The following DIAPH3 variants were observed in gnomAD, a reference collection of about 807,000 sequenced individuals.
The protein encoded by DIAPH3 is diaphanous related formin 3.
Under a neutral mutation model 144.3 loss-of-function variants are expected in DIAPH3, and 117 were observed. The ratio of observed to expected loss-of-function variants is 0.81; its 90% CI spans 0.70 to 0.95. DIAPH3 has a LOEUF of 0.95. DIAPH3 is among the 40% of genes least tolerant of loss of function. The probability of loss-of-function intolerance (pLI) is 0.00; values close to 1 mark genes in which losing one functional copy is unlikely to be tolerated. For missense variants in DIAPH3, 1,421 were observed against 1,412.7 expected, an observed-to-expected ratio of 1.01 and a Z score of -0.09; for synonymous variants, 519 against 488.9, an observed-to-expected ratio of 1.06 and a Z score of -0.81.
Position 59,884,200 on chromosome 13 carries a change from C to T in DIAPH3, c.2368-4732G>A, listed in dbSNP as rs1325252131. ...ACGCAAAAGATCTAGGTTGCATGCT[C>T]CTTATGAGAATCTAATGCCTGGATG... On this transcript the variant is annotated intron_variant, in intron 20 of 27. Coordinates refer to ENST00000400324, the MANE Select transcript of DIAPH3 (RefSeq NM_001042517.2). Among the ~76,000 whole-genome samples the T allele has an allele frequency of 2.0e-5, 3 of 152,072 alleles. No homozygotes were observed. The East Asian group carries it at 5.8e-4, about 29-fold the overall frequency.
At chr13:59,874,360 T>C (rs1309317933) in intron 21 of DIAPH3, among the ~76,000 whole-genome samples, 4 of 152,216 alleles carry the variant, frequency 2.6e-5, no homozygotes, top group African/African-American at 9.6e-5. Context: ...AATATGAGAA[T>C]TTAATGTTTG....
chr13:59,685,308 A>G (rs1244179949), intron 27 of DIAPH3, among the ~76,000 whole-genome samples: 1 of 152,176 alleles, frequency 6.6e-6, no homozygotes, highest in Non-Finnish European at 1.5e-5. Flanking sequence ...AGTAGTAATG[A>G]ATACATTATG....
At chr13:60,092,523 C>T (rs775762445) in intron 4 of DIAPH3, among the ~76,000 whole-genome samples, 1 of 152,076 alleles carries the variant, frequency 6.6e-6, no homozygotes, top group Non-Finnish European at 1.5e-5. Context: ...TGGTGGCAGG[C>T]GCCTGTAGTC....
At chr13:60,084,051 TAGATAGATAGAA>T (rs1325081033) in intron 4 of DIAPH3, among the ~76,000 whole-genome samples, 86 of 150,632 alleles carry the variant, frequency 5.7e-4, no homozygotes, top group Middle Eastern at 3.4e-3. Flanking sequence ...GATAGATAGA[TAGATAGATAGAA>T]AGAATAAACT....
At chr13:59,976,383 A>G (rs1190352007) in intron 14 of DIAPH3, among the ~76,000 whole-genome samples, 3 of 152,022 alleles carry the variant, frequency 2.0e-5, no homozygotes, top group Non-Finnish European at 4.4e-5. Context: ...ATTATCAAAA[A>G]TAAATAAAGT....
In DIAPH3 at chr13:59,673,025, A is replaced by C. The variant is rs189302033; in HGVS notation, c.3320-6179T>G. On this transcript the variant is annotated intron_variant, in intron 27 of 27. Coordinates refer to ENST00000400324, the MANE Select transcript of DIAPH3 (RefSeq NM_001042517.2). ...ATCACTATCCTTTAAATAAAATTCA[A>C]AGACAGTACTGCCATTTCACAGTTT... Among the ~76,000 whole-genome samples the C allele has an allele frequency of 3.5e-4, 54 of 152,334 alleles. 1 individual carries two copies. The highest frequency in any genetic ancestry group is 3.1e-3 in the Admixed American group (47 of 15,310).
chr13:59,811,027 T>A, intron 24 of DIAPH3, 104 bp from the exon 25 acceptor site: 7 of 1,085,870 alleles, frequency 6.4e-6, no homozygotes, highest in Non-Finnish European at 9.3e-6. Flanking sequence ...ATGATTATCT[T>A]TTAGATAATG....
chr13:60,163,557 G>C, intron 1 of DIAPH3, 30 bp downstream of exon 1: 1 of 1,562,146 alleles, frequency 6.4e-7, no homozygotes, highest in Non-Finnish European at 8.7e-7. Flanking sequence ...GGGCGGGAGC[G>C]GCCCCACCCT....
intron 5 of DIAPH3, among the ~76,000 whole-genome samples, chr13:60,021,688 C>T (rs1156769190): frequency 6.9e-6 from 1 of 144,742 alleles, no homozygotes; most frequent in Admixed American, 6.9e-5. Flanking sequence ...AAAAAAAGAG[C>T]ATAAAAGGGA....
chr13:60,037,695 T>C (rs1274308516), intron 5 of DIAPH3, among the ~76,000 whole-genome samples: 2 of 151,904 alleles, frequency 1.3e-5, no homozygotes, highest in African/African-American at 4.8e-5. Context: ...GTTTGGATGA[T>C]GAACCTGGAA....
chr13:59,771,503 AG>A lies in DIAPH3; in HGVS notation c.3319+2685del, dbSNP rs1464777876. ...TGGCTAAATTTGGGAAGAAGAGATGAGGCACACCAGAGGCTGGAGAACCTCT... is the reference window on the plus strand; with the variant it reads ...TGGCTAAATTTGGGAAGAAGAGATGAGCACACCAGAGGCTGGAGAACCTCT... On this transcript the variant is annotated intron_variant, in intron 27 of 27. Transcript: ENST00000400324. Among the ~76,000 whole-genome samples, 56 of 145,168 alleles carry A rather than the reference AG, an allele frequency of 3.9e-4. 1 individual carries two copies. The highest frequency in any genetic ancestry group is 1.5e-4 in the Non-Finnish European group (10 of 64,890).
intron 20 of DIAPH3, among the ~76,000 whole-genome samples, chr13:59,894,540 A>C (rs2140140065): frequency 6.6e-6 from 1 of 151,388 alleles, no homozygotes; most frequent in Non-Finnish European, 1.5e-5. Flanking sequence ...AAAAAAAAAG[A>C]AAGAGAGAAG....
At chr13:59,732,475 C>T (rs2035938102) in intron 27 of DIAPH3, among the ~76,000 whole-genome samples, 1 of 151,294 alleles carries the variant, frequency 6.6e-6, no homozygotes, top group Admixed American at 6.6e-5. Flanking sequence ...CAGAGTCTCA[C>T]TCCCATCACC....
chr13:59,742,084 G>T (rs887060629), intron 27 of DIAPH3, among the ~76,000 whole-genome samples: 1 of 152,060 alleles, frequency 6.6e-6, no homozygotes, highest in African/African-American at 2.4e-5. Context: ...AAGAGAGCTT[G>T]TGCAGGGGAA....
intron 13 of DIAPH3, among the ~76,000 whole-genome samples, chr13:59,983,568 T>A (rs1487044869): frequency 1.3e-5 from 2 of 151,716 alleles, no homozygotes; most frequent in Admixed American, 1.3e-4. Flanking sequence ...CCAGGAGTTT[T>A]ACTCACCATT....
intron 17 of DIAPH3, among the ~76,000 whole-genome samples, chr13:59,948,438 T>C (rs143743560): frequency 3.9e-5 from 6 of 152,224 alleles, no homozygotes; most frequent in African/African-American, 7.2e-5. Context: ...CTAGTTTCCA[T>C]TACACTTAGT....
intron 27 of DIAPH3, among the ~76,000 whole-genome samples, chr13:59,677,366 CA>C (rs1309375811): frequency 1.3e-5 from 2 of 150,432 alleles, no homozygotes; most frequent in Non-Finnish European, 3.0e-5. Flanking sequence ...ATGAGAATCA[CA>C]AAAATGGGCT....
intron 24 of DIAPH3, among the ~76,000 whole-genome samples, chr13:59,818,712 G>C (rs906613811): frequency 6.6e-6 from 1 of 151,810 alleles, no homozygotes; most frequent in African/African-American, 2.4e-5. Context: ...TTCTTAAGAA[G>C]TATTTTACAC....
intron 23 of DIAPH3, among the ~76,000 whole-genome samples, 191 bp from the exon 24 acceptor site, chr13:59,833,462 C>T (rs2041887394): frequency 6.6e-6 from 1 of 151,620 alleles, no homozygotes; most frequent in Non-Finnish European, 1.5e-5. Flanking sequence ...AATTCAATTT[C>T]CAATTAACTT....
Sources: allele counts gnomAD v4.1 joint callset (sites outside exome capture counted in the v4.1 genomes callset), GRCh38; gene constraint gnomAD v4.1.1; transcripts MANE v1.5; gene names NCBI Gene and HGNC (gene_info 2026-07-23, HGNC 2026-07-21).